The following LHFPL3 variants were observed in gnomAD, a reference collection of about 807,000 sequenced individuals.
LHFPL3 encodes LHFPL tetraspan subfamily member 3, also known as LHFPL tetraspan subfamily member 3 protein.
LHFPL3 carries 5 observed loss-of-function variants against 19.3 expected under a neutral mutation model. The observed-to-expected ratio is 0.26, with a 90% CI of 0.14 to 0.54. The LOEUF is 0.54. LHFPL3 is among the 20% of genes least tolerant of loss of function. LHFPL3 has a pLI of 0.94. For synonymous variants in LHFPL3, 133 were observed against 126.2 expected (o/e 1.05, Z -0.36); for missense variants, 249 against 307.4 (o/e 0.81, Z 1.42).
intron 1 of LHFPL3, among the ~76,000 whole-genome samples, chr7:104,674,985 T>C (rs1792564649): frequency 6.6e-6 from 1 of 152,244 alleles, no homozygotes; most frequent in South Asian, 2.1e-4. Flanking sequence ...TAGTGAAATA[T>C]GGAGGTAGAG....
intron 1 of LHFPL3, among the ~76,000 whole-genome samples, chr7:104,475,502 A>T (rs1584345831): frequency 6.6e-6 from 1 of 152,206 alleles, no homozygotes; most frequent in East Asian, 1.9e-4. Flanking sequence ...CACTTATAAG[A>T]TGAAAAAGTT....
chr7:104,575,559 T>TAAA (rs58118006), intron 1 of LHFPL3, among the ~76,000 whole-genome samples: 468 of 36,160 alleles, frequency 0.013, 31 homozygotes, highest in African/African-American at 0.035. Context: ...CAAAGAGATC[T>TAAA]AAAAAAAAAA....
chr7:104,352,604 C>T (rs1432667383), intron 1 of LHFPL3, among the ~76,000 whole-genome samples: 1 of 152,172 alleles, frequency 6.6e-6, no homozygotes, highest in African/African-American at 2.4e-5. Flanking sequence ...CTAATGTACC[C>T]TGCAAATTGG....
intron 1 of LHFPL3, among the ~76,000 whole-genome samples, chr7:104,609,980 T>C (rs180753825): frequency 1.3e-5 from 2 of 152,314 alleles, no homozygotes; most frequent in African/African-American, 4.8e-5. Context: ...GAACACCTTT[T>C]CTCTACCACT....
chr7:104,502,052 C>A (rs10258682), intron 1 of LHFPL3, among the ~76,000 whole-genome samples: 8,980 of 152,160 alleles, frequency 0.059, 866 homozygotes, highest in African/African-American at 0.2. Flanking sequence ...CCTGAAGATA[C>A]CTACAAGAAA....
chr7:104,335,189 G>A (rs1235869483), intron 1 of LHFPL3, among the ~76,000 whole-genome samples: 1 of 152,124 alleles, frequency 6.6e-6, no homozygotes, highest in Non-Finnish European at 1.5e-5. Flanking sequence ...CTAGTGCTGA[G>A]CAGTGTGAAA....
At chr7:104,806,895 T>C (rs189352723) in intron 2 of LHFPL3, among the ~76,000 whole-genome samples, 1 of 152,264 alleles carries the variant, frequency 6.6e-6, no homozygotes, top group East Asian at 1.9e-4. Context: ...CATTAAACAA[T>C]ACTCTTGGAA....
At chr7:104,754,679 G>C (rs1398636179) in intron 2 of LHFPL3, among the ~76,000 whole-genome samples, 1 of 152,170 alleles carries the variant, frequency 6.6e-6, no homozygotes, top group Non-Finnish European at 1.5e-5. Flanking sequence ...AAGAACCCTG[G>C]CCTCATGATG....
intron 2 of LHFPL3, among the ~76,000 whole-genome samples, chr7:104,841,929 T>G (rs1466405703): frequency 6.6e-6 from 1 of 151,974 alleles, no homozygotes; most frequent in South Asian, 2.1e-4. Context: ...AAAGGAGAGA[T>G]AAAAGAGGCC....
In LHFPL3 at chr7:104,524,615, A is replaced by G. The variant is rs903937717; in HGVS notation, c.445+195391A>G. Among the ~76,000 whole-genome samples the G allele has an allele frequency of 3.9e-5, 6 of 152,334 alleles. No individual in the cohort carries two copies. In the South Asian group the frequency reaches 1.2e-3, roughly 32 times the overall value. ...AGATTGATCCAAGGACTCCTGATAGACTGACTCACAGTATTGTTCGAGTCT... is the reference window on the plus strand; with the variant it reads ...AGATTGATCCAAGGACTCCTGATAGGCTGACTCACAGTATTGTTCGAGTCT... On this transcript the variant is annotated intron_variant, in intron 1 of 2. Coordinates refer to ENST00000424859, the MANE Select transcript of LHFPL3 (RefSeq NM_199000.3).
intron 2 of LHFPL3, among the ~76,000 whole-genome samples, chr7:104,754,169 C>T (rs1188096189): frequency 1.3e-5 from 2 of 151,628 alleles, no homozygotes; most frequent in Non-Finnish European, 2.9e-5. Flanking sequence ...AGGTAAGAGG[C>T]AACAAATTAA....
intron 1 of LHFPL3, among the ~76,000 whole-genome samples, chr7:104,339,389 A>G (rs1273835276): frequency 6.6e-6 from 1 of 152,238 alleles, no homozygotes; most frequent in Non-Finnish European, 1.5e-5. Flanking sequence ...ATTGAGGCTT[A>G]AAAAATTACT....
chr7:104,504,709 G>A (rs1793663542), intron 1 of LHFPL3, among the ~76,000 whole-genome samples: 1 of 152,208 alleles, frequency 6.6e-6, no homozygotes, highest in Non-Finnish European at 1.5e-5. Flanking sequence ...CATTATACTA[G>A]GACAATAAAC....
intron 1 of LHFPL3, among the ~76,000 whole-genome samples, chr7:104,484,419 G>A (rs1259411006): frequency 3.3e-5 from 5 of 152,162 alleles, no homozygotes; most frequent in Non-Finnish European, 7.3e-5. Context: ...TGCTGAGGAT[G>A]GAGCATGTTA....
At chr7:104,739,676 G>C (rs985123519) in intron 2 of LHFPL3, among the ~76,000 whole-genome samples, 2 of 152,032 alleles carry the variant, frequency 1.3e-5, no homozygotes, top group African/African-American at 4.8e-5. Flanking sequence ...TGGTAGTCAA[G>C]GCTTCCTTTT....
intron 1 of LHFPL3, among the ~76,000 whole-genome samples, chr7:104,630,918 A>C (rs976950977): frequency 3.9e-4 from 59 of 152,216 alleles, no homozygotes; most frequent in African/African-American, 1.4e-3. Flanking sequence ...ATTCCCCGGG[A>C]CTGAGATCCA....
At chr7:104,626,336 A>C (rs373025492) in intron 1 of LHFPL3, among the ~76,000 whole-genome samples, 1 of 152,224 alleles carries the variant, frequency 6.6e-6, no homozygotes, top group East Asian at 1.9e-4. Context: ...AGAGGCAGAA[A>C]GTTTAAAACT....
intron 1 of LHFPL3, among the ~76,000 whole-genome samples, chr7:104,560,551 T>A (rs1478941605): frequency 6.6e-6 from 1 of 151,100 alleles, no homozygotes; most frequent in African/African-American, 2.4e-5. Context: ...TTTTATTGCG[T>A]CTATTTGATT....
chr7:104,672,059 G>GTGTA (rs1792495539), intron 1 of LHFPL3, among the ~76,000 whole-genome samples: 2 of 5,732 alleles, frequency 3.5e-4, no homozygotes, highest in African/African-American at 4.4e-4. Context: ...TAACTTCCAA[G>GTGTA]TGTGTGTGTG....
Sources: gnomAD v4.1 joint callset for allele counts (sites outside exome capture counted in the v4.1 genomes callset) on GRCh38, gnomAD v4.1.1 for gene constraint, MANE v1.5 for transcripts, NCBI Gene and HGNC (gene_info 2026-07-23, HGNC 2026-07-21) for gene names.